Variants in CRACR2A observed in about 807,000 individuals in gnomAD.
CRACR2A encodes calcium release activated channel regulator 2A.
CRACR2A carries 79 observed loss-of-function variants against 90.5 expected under a neutral mutation model. The ratio of observed to expected loss-of-function variants is 0.87; its 90% CI spans 0.73 to 1.05. CRACR2A has a LOEUF of 1.05. Ranked by LOEUF, CRACR2A falls within the 50% of genes least tolerant of loss-of-function variation. CRACR2A has a pLI of 0.00. For missense variants in CRACR2A, 823 were observed against 897.2 expected (o/e 0.92, Z 1.06); for synonymous variants, 338 against 356.7 (o/e 0.95, Z 0.59).
chr12:3,669,688 C>T (rs1945207610), intron 7 of CRACR2A, among the ~76,000 whole-genome samples: 2 of 152,192 alleles, frequency 1.3e-5, no homozygotes. Flanking sequence ...TTCTCCTGGC[C>T]TTAGCTATTG....
chr12:3,727,726 T>A (rs916538222), intron 2 of CRACR2A: 1 of 152,190 alleles, frequency 6.6e-6, no homozygotes, highest in African/African-American at 2.4e-5. Flanking sequence ...GGGGACAGCC[T>A]GACCCCATTA....
intron 1 of CRACR2A, among the ~76,000 whole-genome samples, chr12:3,738,119 T>C (rs561672228): frequency 6.6e-6 from 1 of 152,362 alleles, no homozygotes; most frequent in East Asian, 1.9e-4. Flanking sequence ...CCAATCTCCA[T>C]CTGATCAGTT....
In CRACR2A at chr12:3,673,586, A is replaced by G. The variant is rs1221530400; in HGVS notation, c.531T>C (p.Ser177=). 6.2e-7 allele frequency: 1 copy of G among 1,612,930 alleles called. No individual in the cohort carries two copies. Among genetic ancestry groups the G allele is most frequent in the Admixed American group, 1.7e-5 (1 of 59,814 alleles). The part of the protein sequence containing the change: ...LGAQKVLEDE[S]DVKQLWLQLK... ...GCTGCAACCAGAGCTGCTTGACATC[A>G]CTTTCACTGCAAGAGAAGGGACGCT... The change falls in exon 7 of 20, where the codon AGT becomes AGC. Residue 177 remains serine (S), a synonymous_variant. Coordinates refer to ENST00000440314, the MANE Select transcript of CRACR2A (RefSeq NM_001144958.2).
At chr12:3,654,439 C>A in intron 9 of CRACR2A, 40 bp from the exon 10 acceptor site, 2 of 1,539,366 alleles carry the variant, frequency 1.3e-6, no homozygotes, top group East Asian at 2.3e-5. Flanking sequence ...GAGGAGTGAC[C>A]ACCATTTTCA....
chr12:3,721,402 A>G (rs887782756), intron 2 of CRACR2A, among the ~76,000 whole-genome samples: 1 of 151,730 alleles, frequency 6.6e-6, no homozygotes, highest in Admixed American at 6.6e-5. Flanking sequence ...AAAAGAAAGA[A>G]AGAAGGAAAG....
Position 3,615,355 on chromosome 12 carries a change from T to C in CRACR2A, c.2196A>G (p.Ter732TrpextTer1), listed in dbSNP as rs1461955029. 1 of 1,551,550 alleles carries C rather than the reference T, an allele frequency of 6.4e-7. No homozygotes were observed. The highest frequency in any genetic ancestry group is 1.4e-5 in the African/African-American group (1 of 73,152). ...HPAKKKSCCG[*>W] is the part of the protein sequence containing the mutation. Reference sequence around the variant, plus strand: ...TGGGGGCAGTCCTTGTAGGACCCTATCAGCCACAGCAGGATTTCTTCTTAG... The same window carrying C: ...TGGGGGCAGTCCTTGTAGGACCCTACCAGCCACAGCAGGATTTCTTCTTAG... The change falls in exon 20 of 20, where the codon TGA (stop) becomes TGG (tryptophan). Residue 732 changes from the stop codon to tryptophan (W), a stop_lost. Transcript: ENST00000440314.
intron 6 of CRACR2A, among the ~76,000 whole-genome samples, chr12:3,678,624 G>A (rs1945380976): frequency 6.6e-6 from 1 of 152,094 alleles, no homozygotes; most frequent in African/African-American, 2.4e-5. Flanking sequence ...GCCAAGGACT[G>A]GGGGATAATG....
At chr12:3,673,634 G>T (rs372229204) in intron 6 of CRACR2A, 42 bp from the exon 7 acceptor site, 1 of 1,600,032 alleles carries the variant, frequency 6.2e-7, no homozygotes, top group East Asian at 2.2e-5. Context: ...TGGAGATGAG[G>T]CTTCACGGGA....
chr12:3,728,795 A>G (rs1021734895), intron 2 of CRACR2A: 2 of 152,226 alleles, frequency 1.3e-5, no homozygotes, highest in African/African-American at 4.8e-5. Context: ...TTCAACCCCG[A>G]GTGGCCTCCA....
intron 1 of CRACR2A, among the ~76,000 whole-genome samples, chr12:3,738,107 T>TG (rs1946473701): frequency 1.3e-5 from 2 of 152,260 alleles, no homozygotes; most frequent in Admixed American, 6.5e-5. Context: ...AGGCTCCTAA[T>TG]GCCAATCTCC....
At chr12:3,672,583 C>A (rs1558248) in intron 7 of CRACR2A, 30,984 of 209,288 alleles carry the variant, frequency 0.15, 2,504 homozygotes, top group South Asian at 0.27. Context: ...CTAGTCATAC[C>A]ACATCTAAGT....
At chr12:3,630,624 G>A (rs1944361389) in intron 15 of CRACR2A, among the ~76,000 whole-genome samples, 1 of 152,200 alleles carries the variant, frequency 6.6e-6, no homozygotes, top group Non-Finnish European at 1.5e-5. Context: ...GTTCCAGGGA[G>A]ATCCTCTATT....
intron 1 of CRACR2A, chr12:3,752,371 G>GAC (rs1202160938): frequency 5.2e-5 from 4 of 77,076 alleles, no homozygotes; most frequent in South Asian, 4.1e-4. Flanking sequence ...CACACACACA[G>GAC]ACACACACAC....
intron 18 of CRACR2A, among the ~76,000 whole-genome samples, chr12:3,617,669 G>A (rs1403757738): frequency 6.6e-6 from 1 of 152,192 alleles, no homozygotes; most frequent in Non-Finnish European, 1.5e-5. Context: ...TGCATGGTGC[G>A]GGAGCCCTTG....
intron 7 of CRACR2A, among the ~76,000 whole-genome samples, chr12:3,659,918 T>C (rs1944997374): frequency 6.6e-6 from 1 of 152,190 alleles, no homozygotes; most frequent in South Asian, 2.1e-4. Context: ...CAGCCATCAC[T>C]CCTAGATGAT....
chr12:3,690,076 TTTA>T (rs1945627359), intron 4 of CRACR2A, among the ~76,000 whole-genome samples: 1 of 152,068 alleles, frequency 6.6e-6, no homozygotes, highest in South Asian at 2.1e-4. Flanking sequence ...ATCTATCTAT[TTTA>T]TTAACTTTTT....
At chr12:3,648,966 A>G (rs945025623) in intron 10 of CRACR2A, among the ~76,000 whole-genome samples, 1 of 152,098 alleles carries the variant, frequency 6.6e-6, no homozygotes, top group Non-Finnish European at 1.5e-5. Context: ...GATGGTCACT[A>G]AAGAGTTGGT....
intron 4 of CRACR2A, among the ~76,000 whole-genome samples, chr12:3,682,429 A>G (rs1028563382): frequency 1.1e-4 from 16 of 152,112 alleles, no homozygotes; most frequent in African/African-American, 3.9e-4. Flanking sequence ...TCGAACCCCA[A>G]ATCCCCCTGT....
intron 7 of CRACR2A, among the ~76,000 whole-genome samples, chr12:3,661,883 GCTTA>G (rs1356543410): frequency 2.0e-5 from 3 of 152,166 alleles, no homozygotes; most frequent in Non-Finnish European, 4.4e-5. Flanking sequence ...CATATAAACG[GCTTA>G]CTATTTATTT....
Sources: gnomAD v4.1 joint callset for allele counts (sites outside exome capture counted in the v4.1 genomes callset) on GRCh38, gnomAD v4.1.1 for gene constraint, MANE v1.5 for transcripts, NCBI Gene and HGNC (gene_info 2026-07-23, HGNC 2026-07-21) for gene names.